AGL: variants seen among roughly 807,000 people sequenced by gnomAD.
AGL encodes glycogen debranching enzyme.
AGL carries 128 observed loss-of-function variants against 199.3 expected under a neutral mutation model. The ratio of observed to expected loss-of-function variants is 0.64; its 90% CI spans 0.56 to 0.74. The LOEUF is 0.74. AGL is among the 30% of genes least tolerant of loss of function. The pLI is 0.00. For missense variants in AGL, 1,809 were observed against 1,820.8 expected, an observed-to-expected ratio of 0.99 and a Z score of 0.12; for synonymous variants, 584 against 594.7, an observed-to-expected ratio of 0.98 and a Z score of 0.26.
intron 27 of AGL, 28 bp downstream of exon 27, chr1:99,902,822 A>T (rs146163467): frequency 6.5e-7 from 1 of 1,532,588 alleles, no homozygotes; most frequent in Non-Finnish European, 9.0e-7. Context: ...AAATAGTACA[A>T]ATTTATCAAG....
chr1:99,906,158 G>A (rs1474175536), intron 27 of AGL, among the ~76,000 whole-genome samples: 2 of 151,994 alleles, frequency 1.3e-5, no homozygotes, highest in African/African-American at 2.4e-5. Flanking sequence ...CCCAGCCCCT[G>A]GAACCACTAT....
At chr1:99,902,581 A>C in intron 26 of AGL, 102 bp from the exon 27 acceptor site, 1 of 970,622 alleles carries the variant, frequency 1.0e-6, no homozygotes, top group Non-Finnish European at 1.7e-6. Context: ...TCTCACTTCA[A>C]AGGAAAGTAT....
intron 2 of AGL, 151 bp from the exon 3 acceptor site, chr1:99,861,352 A>G: frequency 6.6e-7 from 1 of 1,516,172 alleles, no homozygotes; most frequent in Non-Finnish European, 8.8e-7. Context: ...ATTGGAATAC[A>G]AAGTAGTGCC....
In AGL at chr1:99,879,988, A is replaced by C. The variant is rs772389213; in HGVS notation, c.1677A>C (p.Gly559=). 6.2e-7 allele frequency: 1 copy of C among 1,613,786 alleles called. No homozygotes were observed. Among genetic ancestry groups the C allele is most frequent in the Non-Finnish European group, 8.5e-7 (1 of 1,179,820 alleles). The part of the protein sequence containing the change: ...NLYVVAELFT[G]SEDLDNVFVT... ...ATGTAGTAGCTGAACTGTTCACAGGAAGTGAAGATCTGGACAATGTCTTTG... is the reference window on the plus strand; with the variant it reads ...ATGTAGTAGCTGAACTGTTCACAGGCAGTGAAGATCTGGACAATGTCTTTG... The change falls in exon 13 of 34, where the codon GGA becomes GGC. Residue 559 remains glycine (G), a synonymous_variant. Coordinates refer to ENST00000361915, the MANE Select transcript of AGL (RefSeq NM_000642.3).
In AGL at chr1:99,915,450, T is replaced by G; in HGVS notation, c.4223T>G (p.Leu1408Trp). Reference sequence around the variant, plus strand: ...GCTTTGGAGATTGCAGAAAAAAAATTGCTTGGTCCCCTTGGCATGAAAACT... The same window carrying G: ...GCTTTGGAGATTGCAGAAAAAAAATGGCTTGGTCCCCTTGGCATGAAAACT... ...WKALEIAEKKLLGPLGMKTLD... is the reference protein window; with the variant it reads ...WKALEIAEKKWLGPLGMKTLD... Residue 1408 changes from leucine (L) to tryptophan (W), a missense_variant, in exon 31 of 34, where the codon TTG becomes TGG. Leu to Trp is a moderately conservative substitution (Grantham distance 61). Transcript: ENST00000361915. 1 of 1,613,948 alleles carries G rather than the reference T, an allele frequency of 6.2e-7. No homozygotes were observed. Among genetic ancestry groups the G allele is most frequent in the Non-Finnish European group, 8.5e-7 (1 of 1,179,918 alleles).
intron 3 of AGL, 75 bp from the exon 4 acceptor site, chr1:99,862,182 A>C: frequency 1.5e-6 from 2 of 1,342,364 alleles, no homozygotes; most frequent in South Asian, 2.4e-5. Flanking sequence ...CCTTTTAGTT[A>C]GAGTCAGACT....
In AGL at chr1:99,875,026, C is replaced by A. The variant is rs529259489; in HGVS notation, c.1083-128C>A. 1.7e-4 allele frequency: 173 copies of A among 1,034,172 alleles called. 2 individuals are homozygous for A. In the South Asian group the frequency reaches 2.3e-3, roughly 14 times the overall value. 64.1% of individuals were successfully genotyped at this position (1,034,172 alleles called of 1,614,324 possible). ...TATAAACATTTTTACAATTGGAAAA[C>A]ATCATCAGCCATAATTGAAATCCCG... is the stretch of plus-strand genomic sequence containing the variant. On this transcript the variant is annotated intron_variant, in intron 8 of 33. Coordinates refer to ENST00000361915, the MANE Select transcript of AGL (RefSeq NM_000642.3).
chr1:99,854,487 G>A (rs1649240183), intron 2 of AGL, among the ~76,000 whole-genome samples: 2 of 152,190 alleles, frequency 1.3e-5, no homozygotes, highest in Admixed American at 6.5e-5. Context: ...TTGAAGCCGG[G>A]TGCGGTGGCT....
In AGL at chr1:99,874,737, C is replaced by T; in HGVS notation, c.1009C>T (p.Gln337Ter). 6.2e-7 allele frequency: 1 copy of T among 1,600,476 alleles called. No individual in the cohort carries two copies. Among genetic ancestry groups the T allele is most frequent in the Non-Finnish European group, 8.5e-7 (1 of 1,171,896 alleles). Residue 337 changes from glutamine (Q) to a stop codon, truncating the protein, a stop_gained, in exon 8 of 34, where the codon CAA becomes TAA. Transcript: ENST00000361915. LOFTEE classifies it high-confidence loss of function. Reference protein sequence around the residue: ...SDPNQHLTIIQDPEYRRFGCT... With the variant: ...SDPNQHLTII The stretch of plus-strand genomic sequence containing the variant: ...TCCAAACCAACACCTTACGATTATT[C>T]AAGATCCTGAATACAGACGGTTTGG...
intron 22 of AGL, 97 bp downstream of exon 22, chr1:99,891,453 C>A: frequency 6.6e-7 from 1 of 1,517,194 alleles, no homozygotes; most frequent in Non-Finnish European, 9.1e-7. Flanking sequence ...TAACCTGAAC[C>A]ATTTTCCTCC....
intron 5 of AGL, among the ~76,000 whole-genome samples, chr1:99,867,186 A>G (rs1650588478): frequency 6.6e-6 from 1 of 152,254 alleles, no homozygotes; most frequent in Non-Finnish European, 1.5e-5. Flanking sequence ...AAGGCTTCAC[A>G]CACTCTTTAC....
At chr1:99,870,639 T>G in intron 6 of AGL, 58 bp downstream of exon 6, 1 of 1,573,810 alleles carries the variant, frequency 6.4e-7, no homozygotes, top group Non-Finnish European at 8.7e-7. Flanking sequence ...AAGCACACAT[T>G]AAATATATGG....
At chr1:99,884,010 C>T in intron 17 of AGL, 110 bp from the exon 18 acceptor site, 4 of 896,720 alleles carry the variant, frequency 4.5e-6, no homozygotes, top group Non-Finnish European at 7.0e-6. Flanking sequence ...AAAAAAGTAA[C>T]TGATAATTTG....
intron 5 of AGL, among the ~76,000 whole-genome samples, chr1:99,868,799 G>C: frequency 6.6e-6 from 1 of 150,488 alleles, no homozygotes; most frequent in African/African-American, 2.4e-5. Context: ...ATAAATGGAT[G>C]AATGAGAGCA....
At chr1:99,913,002 C>G (rs1056596861) in intron 29 of AGL, among the ~76,000 whole-genome samples, 5 of 152,044 alleles carry the variant, frequency 3.3e-5, no homozygotes, top group African/African-American at 1.2e-4. Flanking sequence ...GCAGGCAGAT[C>G]GCTTGAGCTC....
intron 25 of AGL, among the ~76,000 whole-genome samples, chr1:99,899,307 A>AGATG (rs1653602696): frequency 6.6e-6 from 1 of 152,224 alleles, no homozygotes; most frequent in Non-Finnish European, 1.5e-5. Flanking sequence ...AAGGCCACAC[A>AGATG]GATGGCAAAG....
At position 99,854,022 on chromosome 1, in the gene AGL, C is replaced by T. The variant is rs192701888; in HGVS notation, c.82+2898C>T. On this transcript the variant is annotated intron_variant, in intron 2 of 33. Transcript: ENST00000361915. ...CAGCCTGATCAACATGGTGAAACCCCTTCTCTACTAAAAATACAAAAATTA... is the reference window on the plus strand; with the variant it reads ...CAGCCTGATCAACATGGTGAAACCCTTTCTCTACTAAAAATACAAAAATTA... Among the ~76,000 whole-genome samples, 38 of 152,136 alleles carry T rather than the reference C, an allele frequency of 2.5e-4. No homozygotes were observed. The East Asian group carries it at 7.0e-3, about 28-fold the overall frequency.
intron 31 of AGL, 81 bp from the exon 32 acceptor site, chr1:99,916,329 T>G: frequency 9.2e-7 from 1 of 1,091,228 alleles, no homozygotes; most frequent in Non-Finnish European, 1.4e-6. Flanking sequence ...TTCTCTTACC[T>G]TTGTTATTGA....
chr1:99,881,051 T>C, intron 14 of AGL, 25 bp from the exon 15 acceptor site: 1 of 1,590,510 alleles, frequency 6.3e-7, no homozygotes, highest in Non-Finnish European at 8.6e-7. Context: ...AAGCAAACTT[T>C]TGCTTTGTTG....
Sources: allele counts gnomAD v4.1 joint callset (sites outside exome capture counted in the v4.1 genomes callset), GRCh38; gene constraint gnomAD v4.1.1; transcripts MANE v1.5; gene names NCBI Gene and HGNC (gene_info 2026-07-23, HGNC 2026-07-21).